The following KCNT2 variants were observed in gnomAD, a reference collection of about 807,000 sequenced individuals.
The protein encoded by KCNT2 is potassium sodium-activated channel subfamily T member 2.
KCNT2 carries 67 observed loss-of-function variants against 153.8 expected under a neutral mutation model. The observed-to-expected ratio is 0.44, with a 90% CI of 0.36 to 0.53. The LOEUF (loss-of-function observed/expected upper bound fraction) is 0.53. KCNT2 is among the 20% of genes least tolerant of loss of function. KCNT2 has a pLI of 0.00. For synonymous variants in KCNT2, 500 were observed against 458.8 expected, an observed-to-expected ratio of 1.09 and a Z score of -1.15; for missense variants, 975 against 1,354.8, an observed-to-expected ratio of 0.72 and a Z score of 4.40.
At chr1:196,329,200 A>C (rs1055412611) in intron 18 of KCNT2, among the ~76,000 whole-genome samples, 36 of 152,156 alleles carry the variant, frequency 2.4e-4, no homozygotes, top group African/African-American at 8.4e-4. Flanking sequence ...CACTTCACAG[A>C]CACAGTAGAG....
chr1:196,491,895 T>G (rs529867628), intron 2 of KCNT2, among the ~76,000 whole-genome samples: 3 of 152,202 alleles, frequency 2.0e-5, no homozygotes, highest in Non-Finnish European at 4.4e-5. Flanking sequence ...TGTTTCCCAT[T>G]GTGGTCTGTC....
At chr1:196,594,701 G>A (rs1663835974) in intron 1 of KCNT2, among the ~76,000 whole-genome samples, 1 of 151,948 alleles carries the variant, frequency 6.6e-6, no homozygotes, top group Non-Finnish European at 1.5e-5. Flanking sequence ...AATAACTCTG[G>A]CACTGCATCC....
At chr1:196,389,933 C>T (rs1413429847) in intron 13 of KCNT2, among the ~76,000 whole-genome samples, 1 of 151,544 alleles carries the variant, frequency 6.6e-6, no homozygotes, top group Non-Finnish European at 1.5e-5. Flanking sequence ...ATATCTCCCA[C>T]CCTGTCTGAG....
rs540968137 is a variant in KCNT2, at chr1:196,382,223, T to A, written c.1295-8975A>T. On this transcript the variant is annotated intron_variant, in intron 13 of 27. Transcript: ENST00000294725. ...ATGCCATTCTCCTGCCTCAGCCTCC[T>A]GAGTAGCTGGGACTACAGGTGCCTG... Among the ~76,000 whole-genome samples, 408 of 151,910 alleles carry A rather than the reference T, an allele frequency of 2.7e-3. 5 individuals are homozygous for A. The highest frequency in any genetic ancestry group is 9.3e-3 in the African/African-American group (386 of 41,444).
chr1:196,527,176 G>A (rs956552189), intron 1 of KCNT2, among the ~76,000 whole-genome samples: 104 of 152,168 alleles, frequency 6.8e-4, no homozygotes, highest in Non-Finnish European at 4.4e-5. Context: ...AAAGGTTGGG[G>A]ACCACTGTTC....
chr1:196,525,194 TCA>T (rs1337547131), intron 1 of KCNT2, among the ~76,000 whole-genome samples: 1 of 152,080 alleles, frequency 6.6e-6, no homozygotes, highest in East Asian at 1.9e-4. Context: ...GGTAGTATTT[TCA>T]CAGTTATTTG....
chr1:196,327,114 G>A (rs1280747516), intron 18 of KCNT2, among the ~76,000 whole-genome samples: 1 of 152,128 alleles, frequency 6.6e-6, no homozygotes, highest in East Asian at 1.9e-4. Context: ...GTAGCTTGAT[G>A]TTGAAAGAGC....
At chr1:196,258,598 G>T in intron 25 of KCNT2, 104 bp from the exon 26 acceptor site, 1 of 952,372 alleles carries the variant, frequency 1.1e-6, no homozygotes, top group Non-Finnish European at 1.6e-6. Flanking sequence ...TTTCTACTCA[G>T]GAGAGTTTTC....
At chr1:196,386,177 A>G (rs1435878868) in intron 13 of KCNT2, among the ~76,000 whole-genome samples, 3 of 152,142 alleles carry the variant, frequency 2.0e-5, no homozygotes, top group Non-Finnish European at 4.4e-5. Flanking sequence ...TTGAAAACAG[A>G]TATTCTACGC....
At chr1:196,561,556 G>T (rs1408565812) in intron 1 of KCNT2, among the ~76,000 whole-genome samples, 3 of 147,636 alleles carry the variant, frequency 2.0e-5, no homozygotes, top group Admixed American at 1.4e-4. Flanking sequence ...AATCAATTTA[G>T]AAGTTTATTT....
intron 1 of KCNT2, among the ~76,000 whole-genome samples, chr1:196,517,959 A>C (rs554099241): frequency 6.6e-6 from 1 of 152,290 alleles, no homozygotes; most frequent in African/African-American, 2.4e-5. Context: ...CCTAAGACAC[A>C]TAATCATCAG....
chr1:196,555,606 C>A (rs1018740562), intron 1 of KCNT2, among the ~76,000 whole-genome samples: 3 of 150,948 alleles, frequency 2.0e-5, no homozygotes, highest in Admixed American at 1.3e-4. Context: ...CAATGCCATC[C>A]CAATTAAAAT....
chr1:196,579,185 C>A (rs1661724513), intron 1 of KCNT2, among the ~76,000 whole-genome samples: 1 of 152,046 alleles, frequency 6.6e-6, no homozygotes, highest in Admixed American at 6.6e-5. Flanking sequence ...CTTTTTCCCC[C>A]ATTTTGTATA....
At chr1:196,492,385 A>G in intron 1 of KCNT2, 44 bp from the exon 2 acceptor site, 1 of 1,185,860 alleles carries the variant, frequency 8.4e-7, no homozygotes, top group South Asian at 2.2e-5. Context: ...GCAAGCAACC[A>G]TATCTTTATT....
At chr1:196,460,897 C>T (rs1677089439) in intron 8 of KCNT2, among the ~76,000 whole-genome samples, 1 of 151,356 alleles carries the variant, frequency 6.6e-6, no homozygotes, top group Non-Finnish European at 1.5e-5. Flanking sequence ...ATTTTGTTTT[C>T]AAAAATTATA....
Position 196,608,395 on chromosome 1 carries a change from G to T in KCNT2, c.-86C>A. 1 of 1,022,964 alleles carries T rather than the reference G, an allele frequency of 9.8e-7. No individual in the cohort carries two copies. The highest frequency in any genetic ancestry group is 1.3e-5 in the South Asian group (1 of 77,124). The allele number at this position is 1,022,964 out of a possible 1,614,324, so 63.4% of individuals were successfully genotyped here. On this transcript the variant is annotated 5_prime_UTR_variant, in exon 1 of 28. Coordinates refer to ENST00000294725, the MANE Select transcript of KCNT2 (RefSeq NM_198503.5). ...AAAATATTGCGGAGTACAGGGAGAG[G>T]ACTAACAAGACGCTGTGGCCGAGAG...
chr1:196,496,742 G>A (rs940495794), intron 1 of KCNT2, among the ~76,000 whole-genome samples: 6 of 152,160 alleles, frequency 3.9e-5, no homozygotes, highest in Non-Finnish European at 8.8e-5. Context: ...GGCCAGGCAG[G>A]ATCCCACCTG....
At chr1:196,375,147 G>A (rs184423817) in intron 13 of KCNT2, among the ~76,000 whole-genome samples, 154 of 151,818 alleles carry the variant, frequency 1.0e-3, no homozygotes, top group Non-Finnish European at 1.7e-3. Flanking sequence ...TGAGTTTGGG[G>A]GGCAATGGCT....
chr1:196,411,446 TAA>T (rs35196093), intron 12 of KCNT2, among the ~76,000 whole-genome samples: 16,680 of 96,286 alleles, frequency 0.17, 1,270 homozygotes, highest in African/African-American at 0.22. Flanking sequence ...CTATTCCAGT[TAA>T]AAAAAAAAAA....
Sources: gnomAD v4.1 joint callset for allele counts (sites outside exome capture counted in the v4.1 genomes callset) on GRCh38, gnomAD v4.1.1 for gene constraint, MANE v1.5 for transcripts, NCBI Gene and HGNC (gene_info 2026-07-23, HGNC 2026-07-21) for gene names.